The following GRSF1 variants were observed in gnomAD, a reference collection of about 807,000 sequenced individuals.
GRSF1 encodes G-rich RNA sequence binding factor 1, also known as G-rich sequence factor 1.
In GRSF1, 50 loss-of-function variants were observed where a neutral mutation model predicts 51.1. The ratio of observed to expected loss-of-function variants is 0.98; its 90% CI spans 0.78 to 1.24. The LOEUF is 1.24. Among genes scored for constraint, GRSF1 ranks in the 50% most tolerant of loss-of-function variants. The pLI is 0.00. For missense variants in GRSF1, 700 were observed against 639.7 expected, an observed-to-expected ratio of 1.09 and a Z score of -1.02; for synonymous variants, 293 against 253.3, an observed-to-expected ratio of 1.16 and a Z score of -1.49.
At chr4:70,821,724 T>TGC (rs1402311826) in intron 9 of GRSF1, among the ~76,000 whole-genome samples, 19 of 142,674 alleles carry the variant, frequency 1.3e-4, no homozygotes, top group Non-Finnish European at 2.0e-4. Context: ...TCCAGGCTGG[T>TGC]GGAGTGCAGT....
chr4:70,835,526 G>A (rs1323309265), intron 2 of GRSF1, among the ~76,000 whole-genome samples: 1 of 147,372 alleles, frequency 6.8e-6, no homozygotes, highest in Non-Finnish European at 1.5e-5. Flanking sequence ...GCACCATCTC[G>A]GCTCACTGCA....
At position 70,839,657 on chromosome 4, in the gene GRSF1, C is replaced by CGCGGCGGCCCCGAGCAGCAGCAGCAGGCG; in HGVS notation, c.142_170dup (p.Ala59CysfsTer94). On this transcript the variant is annotated frameshift_variant, in exon 1 of 10. Transcript: ENST00000254799. LOFTEE classifies it high-confidence loss of function. ...GGCCACGCGTCTGGGAGGCAGCGGC[C>CGCGGCGGCCCCGAGCAGCAGCAGCAGGCG]GCGGCGGCCCCGAGCAGCAGCAGCA... The CGCGGCGGCCCCGAGCAGCAGCAGCAGGCG allele has an allele frequency of 1.4e-6, 2 of 1,396,948 alleles. No homozygotes were observed. Among genetic ancestry groups the CGCGGCGGCCCCGAGCAGCAGCAGCAGGCG allele is most frequent in the East Asian group, 3.0e-5 (1 of 32,930 alleles). 86.5% of individuals were successfully genotyped at this position (1,396,948 alleles called of 1,614,324 possible). A position where few individuals can be genotyped will look rare whatever the true frequency, so the allele number is the denominator to read the frequency against.
chr4:70,820,580 C>T lies in GRSF1; in HGVS notation c.*307G>A, dbSNP rs1000671069. ...AATATGTGGTCTTTACAATGAGTAA[C>T]ATATCATCTATGAAAACAAACCATT... On this transcript the variant is annotated 3_prime_UTR_variant, in exon 10 of 10. Coordinates refer to ENST00000254799, the MANE Select transcript of GRSF1 (RefSeq NM_002092.4). The T allele has an allele frequency of 6.6e-6, 1 of 152,110 alleles. No individual in the cohort carries two copies. The highest frequency in any genetic ancestry group is 1.5e-5 in the Non-Finnish European group (1 of 67,998). 9.4% of individuals were successfully genotyped at this position (152,110 alleles called of 1,614,324 possible).
At chr4:70,836,078 A>G in intron 2 of GRSF1, 80 bp downstream of exon 2, 1 of 797,072 alleles carries the variant, frequency 1.3e-6, no homozygotes, top group Non-Finnish European at 1.8e-6. Context: ...ACAAAATTAC[A>G]TACTTAAAAC....
intron 9 of GRSF1, among the ~76,000 whole-genome samples, chr4:70,822,337 CT>C (rs1020378186): frequency 5.6e-4 from 85 of 152,152 alleles, no homozygotes; most frequent in Non-Finnish European, 8.2e-4. Context: ...AATCCCAGCA[CT>C]TTGGGAGGCT....
chr4:70,830,227 G>A (rs1322851782), intron 5 of GRSF1, among the ~76,000 whole-genome samples: 1 of 151,956 alleles, frequency 6.6e-6, no homozygotes, highest in African/African-American at 2.4e-5. Context: ...ATGAGTTTGA[G>A]GCCAGCCAGG....
chr4:70,839,912 G>T (rs552929178), upstream of GRSF1: 16 of 1,301,038 alleles, frequency 1.2e-5, no homozygotes, highest in African/African-American at 1.9e-4. Context: ...CCGGTTGGGG[G>T]TGGGGTGTGC....
At chr4:70,832,220 C>T (rs182244966) in intron 4 of GRSF1, 87 bp downstream of exon 4, 23 of 1,091,104 alleles carry the variant, frequency 2.1e-5, no homozygotes, top group Admixed American at 8.7e-5. Context: ...CATGCCTTTG[C>T]CCAGAAACAG....
Position 70,827,734 on chromosome 4 carries a change from G to A in GRSF1, c.1135+118C>T, listed in dbSNP as rs867448918. On this transcript the variant is annotated intron_variant, in intron 6 of 9. Transcript: ENST00000254799. ...GTAGAGGCTGCAGTCAGCCGAGATC[G>A]CACCACTGCACTCCAGCCTGGCAAC... 21 of 694,060 alleles carry A rather than the reference G, an allele frequency of 3.0e-5. 1 individual carries two copies. Among genetic ancestry groups the A allele is most frequent in the Middle Eastern group, 2.6e-4 (1 of 3,830 alleles). 43.0% of individuals were successfully genotyped at this position (694,060 alleles called of 1,614,324 possible). A position where few individuals can be genotyped will look rare whatever the true frequency, so the allele number is the denominator to read the frequency against.
Position 70,832,290 on chromosome 4 carries a change from A to C in GRSF1, c.814+17T>G. 1 of 1,610,356 alleles carries C rather than the reference A, an allele frequency of 6.2e-7. No homozygotes were observed. Among genetic ancestry groups the C allele is most frequent in the South Asian group, 1.1e-5 (1 of 90,766 alleles). On this transcript the variant is annotated intron_variant, in intron 4 of 9. Coordinates refer to ENST00000254799, the MANE Select transcript of GRSF1 (RefSeq NM_002092.4). ...AAAAAGATATGAGCTCCCAAGCATA[A>C]TACAACTGCAAAGTACCTGCAAAGA...
At chr4:70,833,401 C>T in intron 2 of GRSF1, 128 bp from the exon 3 acceptor site, 1 of 761,714 alleles carries the variant, frequency 1.3e-6, no homozygotes, top group East Asian at 2.7e-5. Context: ...ACACAAATCC[C>T]CATCACTGAA....
Position 70,833,148 on chromosome 4 carries a change from G to C in GRSF1, c.640C>G (p.Arg214Gly), listed in dbSNP as rs779796576. 6.2e-7 allele frequency: 1 copy of C among 1,613,826 alleles called. No homozygotes were observed. ...ACATACCGCTGGCCCATGTACATGC[G>C]GTGCTTCTCTAAGGCTTTCTGCACA... ...QDVQKALEKH[R>G]MYMGQRYVEV... The change falls in exon 3 of 10, where the codon CGC becomes GGC. Residue 214 changes from arginine (R) to glycine (G), a missense_variant. By Grantham distance (125) the Arg-to-Gly change is moderately radical. Transcript: ENST00000254799.
chr4:70,839,152 G>C, intron 1 of GRSF1: 1 of 1,331,112 alleles, frequency 7.5e-7, no homozygotes, highest in Non-Finnish European at 9.8e-7. Context: ...CGAGGTGGGG[G>C]CGTCAGCAGC....
At chr4:70,834,255 T>A (rs939159299) in intron 2 of GRSF1, among the ~76,000 whole-genome samples, 4 of 151,098 alleles carry the variant, frequency 2.6e-5, no homozygotes, top group African/African-American at 9.7e-5. Context: ...CAAGACTCCA[T>A]CTCAAAAAAA....
In GRSF1 at chr4:70,839,855, A is replaced by G. The variant is rs185688805; in HGVS notation, c.-28T>C. ...ACTCCGGAGGCGGCGCAGGGCCTGA[A>G]GGCAGCTGCTCCAGCAGCGATGGTG... On this transcript the variant is annotated 5_prime_UTR_variant, in exon 1 of 10. Transcript: ENST00000254799. The G allele has an allele frequency of 2.1e-6, 3 of 1,461,286 alleles. No individual in the cohort carries two copies. Among genetic ancestry groups the G allele is most frequent in the Non-Finnish European group, 2.7e-6 (3 of 1,115,482 alleles). The allele number at this position is 1,461,286 out of a possible 1,614,324, so 90.5% of individuals were successfully genotyped here.
At chr4:70,838,568 G>A (rs915522263) in intron 1 of GRSF1, among the ~76,000 whole-genome samples, 2 of 152,282 alleles carry the variant, frequency 1.3e-5, no homozygotes, top group Admixed American at 1.3e-4. Context: ...ATTGAATTAA[G>A]ATAAATATGA....
chr4:70,827,738 C>G, intron 6 of GRSF1, 114 bp downstream of exon 6: 2 of 717,818 alleles, frequency 2.8e-6, no homozygotes, highest in Non-Finnish European at 4.7e-6. Context: ...GAGATCGCAC[C>G]ACTGCACTCC....
At chr4:70,822,815 G>A (rs1257246720) in intron 9 of GRSF1, among the ~76,000 whole-genome samples, 1 of 152,138 alleles carries the variant, frequency 6.6e-6, no homozygotes, top group East Asian at 1.9e-4. Flanking sequence ...TTATGGCTGG[G>A]AGCAGTGGCT....
At position 70,815,815 on chromosome 4, in the gene GRSF1, A is replaced by G. The variant is rs1292126832; in HGVS notation, c.*5072T>C. Reference sequence around the variant, plus strand: ...TGTTCATACCAACTTTATTCATGATAGCCCCAAACTAGAAACAGCCCATTG... The same window carrying G: ...TGTTCATACCAACTTTATTCATGATGGCCCCAAACTAGAAACAGCCCATTG... On this transcript the variant is annotated 3_prime_UTR_variant, in exon 10 of 10. Transcript: ENST00000254799. 4 of 152,254 alleles carry G rather than the reference A, an allele frequency of 2.6e-5. No homozygotes were observed. Among genetic ancestry groups the G allele is most frequent in the Non-Finnish European group, 4.4e-5 (3 of 68,050 alleles). The allele number at this position is 152,254 out of a possible 1,614,324, so 9.4% of individuals were successfully genotyped here.
Sources: allele counts gnomAD v4.1 joint callset (sites outside exome capture counted in the v4.1 genomes callset), GRCh38; gene constraint gnomAD v4.1.1; transcripts MANE v1.5; gene names NCBI Gene and HGNC (gene_info 2026-07-23, HGNC 2026-07-21).